The following CEP192 variants were observed in gnomAD, a reference collection of about 807,000 sequenced individuals.
CEP192 encodes the protein centrosomal protein of 192 kDa.
Under a neutral mutation model 271.8 loss-of-function variants are expected in CEP192, and 151 were observed. That is an observed-to-expected ratio of 0.56 (90% confidence interval 0.49 to 0.64). The LOEUF (loss-of-function observed/expected upper bound fraction) is 0.64. Ranked by LOEUF, CEP192 falls within the 30% of genes least tolerant of loss-of-function variation. The probability of loss-of-function intolerance (pLI) is 0.00; values close to 1 mark genes in which losing one functional copy is unlikely to be tolerated. For missense variants in CEP192, 2,910 were observed against 3,020.5 expected (o/e 0.96, Z 0.86); for synonymous variants, 995 against 1,076.5 (o/e 0.92, Z 1.48).
At chr18:13,018,747 T>A (rs2034811113) in intron 8 of CEP192, 132 bp downstream of exon 8, 1 of 633,942 alleles carries the variant, frequency 1.6e-6, no homozygotes, top group East Asian at 3.1e-5. Context: ...TTAGACAGTC[T>A]AAAACTTTTC....
Position 13,095,579 on chromosome 18 carries a change from C to T in CEP192, c.6331C>T (p.Pro2111Ser). 1 of 1,614,188 alleles carries T rather than the reference C, an allele frequency of 6.2e-7. No individual in the cohort carries two copies. ...ACCAGTCAAAGGTCCTCAGGGTTCT[C>T]CTCTTCTCTCACGGGCGGCTCGCCC... ...VLPVKGPQGS[P>S]LLSRAARPPL... The change falls in exon 35 of 45, where the codon CCT (proline) becomes TCT (serine). Residue 2111 changes from proline to serine, a missense_variant. Coordinates refer to ENST00000506447, the MANE Select transcript of CEP192 (RefSeq NM_032142.4).
At chr18:13,041,165 T>C (rs2036181580) in intron 14 of CEP192, among the ~76,000 whole-genome samples, 1 of 152,222 alleles carries the variant, frequency 6.6e-6, no homozygotes, top group South Asian at 2.1e-4. Context: ...TCTACCTAAA[T>C]TTGTAAAAAC....
chr18:13,095,091 G>C (rs1311006321), intron 34 of CEP192, among the ~76,000 whole-genome samples: 1 of 152,068 alleles, frequency 6.6e-6, no homozygotes, highest in African/African-American at 2.4e-5. Flanking sequence ...TTGGACTCCT[G>C]GCCTCAAGTA....
chr18:13,066,969 G>C (rs986524222), intron 21 of CEP192, among the ~76,000 whole-genome samples: 1 of 146,476 alleles, frequency 6.8e-6, no homozygotes, highest in Admixed American at 6.7e-5. Flanking sequence ...ACGTCTGTGT[G>C]TGTGTGTGTG....
chr18:13,096,349 C>T, intron 36 of CEP192, 42 bp downstream of exon 36: 6 of 1,590,378 alleles, frequency 3.8e-6, no homozygotes, highest in Non-Finnish European at 5.1e-6. Context: ...TACTTAGGTG[C>T]TGGCTTGGTG....
chr18:13,039,816 A>C (rs562344350), intron 13 of CEP192, among the ~76,000 whole-genome samples: 1 of 152,342 alleles, frequency 6.6e-6, no homozygotes, highest in South Asian at 2.1e-4. Flanking sequence ...AAAGTCAGCA[A>C]AAGACAGAAG....
At chr18:13,113,537 T>G in intron 40 of CEP192, 49 bp from the exon 41 acceptor site, 1 of 1,583,522 alleles carries the variant, frequency 6.3e-7, no homozygotes, top group Non-Finnish European at 8.6e-7. Context: ...TAGCTAACAC[T>G]GTGTTTAATG....
chr18:13,097,789 A>C (rs7243000), intron 36 of CEP192, among the ~76,000 whole-genome samples: 107,437 of 149,914 alleles, frequency 0.72, 40,016 homozygotes, highest in African/African-American at 0.93. Flanking sequence ...GAGGACCCTG[A>C]GGCCTTCCGC....
chr18:13,024,283 G>A (rs1233056951), intron 9 of CEP192: 16 of 455,918 alleles, frequency 3.5e-5, no homozygotes, highest in Middle Eastern at 3.2e-4. Context: ...TTTGAAGTCT[G>A]CTCTGTCTGA....
chr18:13,001,237 T>G (rs2033623784), intron 2 of CEP192, among the ~76,000 whole-genome samples: 1 of 152,204 alleles, frequency 6.6e-6, no homozygotes, highest in African/African-American at 2.4e-5. Context: ...CTCTTTTAGC[T>G]TTAAGATTTT....
intron 30 of CEP192, among the ~76,000 whole-genome samples, chr18:13,077,319 A>T (rs2038344928): frequency 6.6e-6 from 1 of 152,126 alleles, no homozygotes; most frequent in Non-Finnish European, 1.5e-5. Flanking sequence ...TGCCAACATG[A>T]TGCTCAAAGG....
At chr18:13,017,095 A>C in intron 6 of CEP192, 93 bp from the exon 7 acceptor site, 4 of 817,936 alleles carry the variant, frequency 4.9e-6, no homozygotes, top group Non-Finnish European at 5.5e-6. Flanking sequence ...TAGTCCATTG[A>C]CTCATTTATG....
At chr18:13,001,142 C>T (rs1332083383) in intron 2 of CEP192, among the ~76,000 whole-genome samples, 1 of 152,188 alleles carries the variant, frequency 6.6e-6, no homozygotes. Context: ...AAACTGGCCA[C>T]TTTCTTGTCT....
At chr18:13,063,422 G>A (rs2037514266) in intron 21 of CEP192, among the ~76,000 whole-genome samples, 2 of 152,190 alleles carry the variant, frequency 1.3e-5, no homozygotes, top group Non-Finnish European at 2.9e-5. Flanking sequence ...ACTGGGGTAA[G>A]ATGATATTTC....
intron 3 of CEP192, among the ~76,000 whole-genome samples, chr18:13,004,199 G>C (rs1187035130): frequency 6.6e-6 from 1 of 152,216 alleles, no homozygotes; most frequent in African/African-American, 2.4e-5. Context: ...AGGAGTTACT[G>C]TTTGAGGCAG....
Position 13,018,615 on chromosome 18 carries a change from A to G in CEP192, c.925A>G (p.Ser309Gly), listed in dbSNP as rs1230829175. Residue 309 changes from serine (S) to glycine (G), a missense_variant and splice_region_variant, in exon 8 of 45, where the codon AGT becomes GGT. Transcript: ENST00000506447. ...CCAAGTTATTTGTCTACCTGGGACT[A>G]GTAAGTATAGAAATATGATTCTTTT... ...ESQVICLPGT[S>G]NSIGTGDSRR... The G allele has an allele frequency of 2.0e-6, 3 of 1,501,348 alleles. No individual in the cohort carries two copies. Among genetic ancestry groups the G allele is most frequent in the East Asian group, 5.0e-5 (2 of 40,106 alleles). 93.0% of individuals were successfully genotyped at this position (1,501,348 alleles called of 1,614,324 possible).
chr18:13,058,953 T>C, intron 20 of CEP192, 129 bp from the exon 21 acceptor site: 4 of 657,888 alleles, frequency 6.1e-6, no homozygotes, highest in Non-Finnish European at 1.1e-5. Flanking sequence ...TTTTGACATT[T>C]TTGAAGAGAT....
At chr18:13,000,399 A>C (rs1263671141) in intron 2 of CEP192, 3 of 152,154 alleles carry the variant, frequency 2.0e-5, no homozygotes, top group African/African-American at 7.2e-5. Flanking sequence ...TTGATATCTC[A>C]TGAGTTTCTG....
intron 17 of CEP192, 111 bp downstream of exon 17, chr18:13,050,002 A>C: frequency 1.2e-6 from 1 of 855,792 alleles, no homozygotes; most frequent in East Asian, 2.8e-5. Flanking sequence ...CTCAAAGGTA[A>C]CTCTTGTAAG....
Sources: allele counts gnomAD v4.1 joint callset (sites outside exome capture counted in the v4.1 genomes callset), GRCh38; gene constraint gnomAD v4.1.1; transcripts MANE v1.5; gene names NCBI Gene and HGNC (gene_info 2026-07-23, HGNC 2026-07-21).